SETD7: variants seen among roughly 807,000 people sequenced by gnomAD.
SETD7 encodes the protein SET domain containing 7, histone lysine methyltransferase.
Under a neutral mutation model 41.8 loss-of-function variants are expected in SETD7, and 16 were observed. The observed-to-expected ratio is 0.38, with a 90% confidence interval of 0.26 to 0.58. The LOEUF is 0.58. Among genes scored for constraint, SETD7 ranks in the 20% least tolerant of loss-of-function variants. SETD7 has a pLI of 0.64. For missense variants in SETD7, 346 were observed against 459.7 expected (o/e 0.75, Z 2.26); for synonymous variants, 163 against 169.7 (o/e 0.96, Z 0.31).
At chr4:139,537,843 A>T (rs1227417621) in intron 2 of SETD7, among the ~76,000 whole-genome samples, 1 of 152,176 alleles carries the variant, frequency 6.6e-6, no homozygotes, top group East Asian at 1.9e-4. Flanking sequence ...AAGTTTCTTA[A>T]ACTTCCTATG....
intron 2 of SETD7, among the ~76,000 whole-genome samples, chr4:139,544,797 A>AGTGT (rs10581648): frequency 0.036 from 5,228 of 144,900 alleles, 114 homozygotes; most frequent in Non-Finnish European, 0.051. Context: ...CCAGATTTAA[A>AGTGT]GTGTGTGTGT....
In SETD7 at chr4:139,555,488, A is replaced by C. The variant is rs564049462; in HGVS notation, c.40+610T>G. Among the ~76,000 whole-genome samples, 2 of 152,050 alleles carry C rather than the reference A, an allele frequency of 1.3e-5. No homozygotes were observed. The highest frequency in any genetic ancestry group is 4.8e-5 in the African/African-American group (2 of 41,418). ...CCGCCTCCCGGACGGCGCACGTTCGAGTCCCGGGTCGGGAGACTTGTCCGT... is the reference window on the plus strand; with the variant it reads ...CCGCCTCCCGGACGGCGCACGTTCGCGTCCCGGGTCGGGAGACTTGTCCGT... On this transcript the variant is annotated intron_variant, in intron 1 of 7. Transcript: ENST00000274031. The surrounding 1 kb of genome is among the most constrained non-coding windows in gnomAD (Gnocchi z 4.0).
intron 7 of SETD7, among the ~76,000 whole-genome samples, chr4:139,515,013 A>G (rs1255308688): frequency 2.0e-5 from 3 of 152,104 alleles, no homozygotes; most frequent in Non-Finnish European, 4.4e-5. Flanking sequence ...TAAAAATACA[A>G]AAATCAGCCA....
intron 2 of SETD7, among the ~76,000 whole-genome samples, chr4:139,544,800 G>C (rs2111169369): frequency 1.3e-5 from 1 of 75,584 alleles, no homozygotes; most frequent in African/African-American, 8.4e-5. Flanking sequence ...GATTTAAAGT[G>C]TGTGTGTGTG....
exon 8 of SETD7, chr4:139,496,483 C>G: frequency 1.4e-6 from 1 of 702,398 alleles, no homozygotes; most frequent in Non-Finnish European, 2.6e-6. Flanking sequence ...AGCCCCAAAT[C>G]TGCTTCTTTT....
chr4:139,517,812 A>G lies in SETD7; in HGVS notation c.920+73T>C. ...CAGCCTTTATCTGAGGCAGAATAAC[A>G]CTTTTTACTGCCCTCCTCCGTCTCA... On this transcript the variant is annotated intron_variant, in intron 7 of 7. Transcript: ENST00000274031. The G allele has an allele frequency of 4.1e-6, 6 of 1,476,196 alleles. No individual in the cohort carries two copies. In the South Asian group the frequency reaches 6.7e-5, roughly 16 times the overall value. 91.4% of individuals were successfully genotyped at this position (1,476,196 alleles called of 1,614,324 possible).
intron 2 of SETD7, among the ~76,000 whole-genome samples, chr4:139,535,335 T>C (rs950445718): frequency 2.0e-5 from 3 of 152,256 alleles, no homozygotes; most frequent in African/African-American, 7.2e-5. Flanking sequence ...TAATTATACT[T>C]ACTTTTTTTG....
chr4:139,512,879 T>C (rs1408647505), intron 7 of SETD7, among the ~76,000 whole-genome samples: 4 of 146,460 alleles, frequency 2.7e-5, no homozygotes, highest in African/African-American at 1.0e-4. Context: ...TGTCTCAGCC[T>C]CCCAAGCAGC....
At chr4:139,549,353 C>T (rs1728045916) in intron 1 of SETD7, among the ~76,000 whole-genome samples, 1 of 152,118 alleles carries the variant, frequency 6.6e-6, no homozygotes, top group African/African-American at 2.4e-5. Context: ...CAGCCCTGTG[C>T]TATTTCTGAA....
intron 7 of SETD7, among the ~76,000 whole-genome samples, chr4:139,514,062 C>T (rs1726952580): frequency 6.6e-6 from 1 of 152,186 alleles, no homozygotes; most frequent in Non-Finnish European, 1.5e-5. Context: ...GCGGATAGAT[C>T]ACCTGAGCTC....
chr4:139,504,587 T>C (rs1726658675), downstream of SETD7, among the ~76,000 whole-genome samples: 2 of 152,212 alleles, frequency 1.3e-5, no homozygotes, highest in African/African-American at 2.4e-5. Context: ...TAAATGAAAC[T>C]ACAGCATAAA....
chr4:139,526,971 G>A (rs1040420357), intron 4 of SETD7, among the ~76,000 whole-genome samples: 4 of 152,120 alleles, frequency 2.6e-5, no homozygotes, highest in Admixed American at 2.0e-4. Context: ...TCATTTTGGA[G>A]TAATTTCAAA....
At chr4:139,537,992 T>C (rs1018844264) in intron 2 of SETD7, among the ~76,000 whole-genome samples, 4 of 152,196 alleles carry the variant, frequency 2.6e-5, no homozygotes, top group African/African-American at 7.2e-5. Context: ...TTATTAAACA[T>C]GCATATTCAT....
At chr4:139,548,423 G>A (rs1381303896) in intron 1 of SETD7, among the ~76,000 whole-genome samples, 1 of 152,178 alleles carries the variant, frequency 6.6e-6, no homozygotes, top group African/African-American at 2.4e-5. Context: ...CCTAGGTCCA[G>A]AGTTTGAGAC....
chr4:139,553,061 C>T (rs542016627), intron 1 of SETD7, among the ~76,000 whole-genome samples: 1 of 152,296 alleles, frequency 6.6e-6, no homozygotes, highest in South Asian at 2.1e-4. Context: ...CTGAGGTCCT[C>T]TGAGGCCCAG....
At chr4:139,534,796 C>T (rs888017066) in intron 2 of SETD7, among the ~76,000 whole-genome samples, 1 of 152,148 alleles carries the variant, frequency 6.6e-6, no homozygotes, top group Non-Finnish European at 1.5e-5. Flanking sequence ...GGACGCAAAG[C>T]GGGCCATCAG....
chr4:139,509,943 C>A lies in SETD7; in HGVS notation c.*1720G>T. On this transcript the variant is annotated 3_prime_UTR_variant, in exon 8 of 8. Transcript: ENST00000274031. ...GCCACCTAGCTGCAAAGCATGCAAC[C>A]GGGTGCTCTAGGAAGCCTGGTGTTG... is the stretch of plus-strand genomic sequence containing the variant. 1.0e-6 allele frequency: 1 copy of A among 962,000 alleles called. No homozygotes were observed. 59.6% of individuals were successfully genotyped at this position (962,000 alleles called of 1,614,324 possible). A position where few individuals can be genotyped will look rare whatever the true frequency, so the allele number is the denominator to read the frequency against.
chr4:139,542,881 G>C (rs897521572), intron 2 of SETD7, among the ~76,000 whole-genome samples: 23 of 152,112 alleles, frequency 1.5e-4, no homozygotes, highest in African/African-American at 5.3e-4. Flanking sequence ...TAATTTTCTT[G>C]ATATGTTTAT....
chr4:139,529,433 G>C (rs774405492), intron 3 of SETD7, among the ~76,000 whole-genome samples: 1 of 152,152 alleles, frequency 6.6e-6, no homozygotes, highest in Non-Finnish European at 1.5e-5. Flanking sequence ...AAAGTCATAC[G>C]CATTTGGGGC....
Sources: allele counts gnomAD v4.1 joint callset (sites outside exome capture counted in the v4.1 genomes callset), GRCh38; gene constraint gnomAD v4.1.1; non-coding constraint Gnocchi (gnomAD v3.1); transcripts MANE v1.5; gene names NCBI Gene and HGNC (gene_info 2026-07-23, HGNC 2026-07-21).